SNTG2: variants seen among roughly 807,000 people sequenced by gnomAD.
The protein encoded by SNTG2 is syntrophin gamma 2.
Under a neutral mutation model 70.9 loss-of-function variants are expected in SNTG2, and 74 were observed. The observed-to-expected ratio is 1.04, with a 90% CI of 0.86 to 1.27. The LOEUF (loss-of-function observed/expected upper bound fraction) is 1.27. Ranked by LOEUF, SNTG2 falls within the 50% of genes most tolerant of loss-of-function variation. The probability of loss-of-function intolerance (pLI) is 0.00; values close to 1 mark genes in which losing one functional copy is unlikely to be tolerated. For synonymous variants in SNTG2, 278 were observed against 273.8 expected, an observed-to-expected ratio of 1.02 and a Z score of -0.15; for missense variants, 717 against 690.7, an observed-to-expected ratio of 1.04 and a Z score of -0.43.
chr2:1,197,086 A>G (rs1437566574), intron 8 of SNTG2, among the ~76,000 whole-genome samples: 2 of 152,196 alleles, frequency 1.3e-5, no homozygotes, highest in Non-Finnish European at 2.9e-5. Context: ...AAAACAATTA[A>G]CAAAATGACA....
intron 1 of SNTG2, among the ~76,000 whole-genome samples, chr2:1,081,629 C>G (rs1362565028): frequency 6.6e-6 from 1 of 152,254 alleles, no homozygotes; most frequent in African/African-American, 2.4e-5. Flanking sequence ...CCCGGCTGCC[C>G]TTGGTGCCTC....
chr2:1,328,429 C>T (rs183873670), intron 16 of SNTG2, among the ~76,000 whole-genome samples: 145 of 152,306 alleles, frequency 9.5e-4, no homozygotes, highest in African/African-American at 3.4e-3. Flanking sequence ...ACCCACAACT[C>T]TGGGGCTCCG....
chr2:1,195,340 C>T (rs1224620095), intron 8 of SNTG2, among the ~76,000 whole-genome samples: 1 of 152,204 alleles, frequency 6.6e-6, no homozygotes, highest in Admixed American at 6.5e-5. Flanking sequence ...TACACTCCCA[C>T]CAACAGTGTA....
chr2:1,033,082 A>G (rs769811814), intron 1 of SNTG2, among the ~76,000 whole-genome samples: 4 of 152,304 alleles, frequency 2.6e-5, no homozygotes, highest in Admixed American at 6.5e-5. Flanking sequence ...GAACAGCACC[A>G]AGAGGATGGC....
At chr2:1,079,367 T>C (rs1350371262) in intron 1 of SNTG2, among the ~76,000 whole-genome samples, 1 of 152,150 alleles carries the variant, frequency 6.6e-6, no homozygotes, top group African/African-American at 2.4e-5. Context: ...CAATTTGACA[T>C]AATGTGTGTT....
At chr2:1,112,516 G>A (rs1404918729) in intron 4 of SNTG2, among the ~76,000 whole-genome samples, 1 of 140,594 alleles carries the variant, frequency 7.1e-6, no homozygotes, top group African/African-American at 2.7e-5. Context: ...TAAGTGAGGT[G>A]TAACCCTTAC....
intron 1 of SNTG2, among the ~76,000 whole-genome samples, chr2:970,934 C>A (rs1660719309): frequency 6.6e-6 from 1 of 152,122 alleles, no homozygotes; most frequent in African/African-American, 2.4e-5. Context: ...AAATGCAAAT[C>A]AAAACCACAG....
chr2:1,171,189 T>A (rs929873865), intron 7 of SNTG2, among the ~76,000 whole-genome samples: 2 of 152,204 alleles, frequency 1.3e-5, no homozygotes, highest in Non-Finnish European at 2.9e-5. Flanking sequence ...AAGAAAGATA[T>A]AACTATTCAC....
At chr2:1,238,486 G>A (rs1676831854) in intron 10 of SNTG2, among the ~76,000 whole-genome samples, 2 of 152,200 alleles carry the variant, frequency 1.3e-5, no homozygotes, top group Non-Finnish European at 2.9e-5. Flanking sequence ...AATTTGTACT[G>A]CAGTCCCCCA....
At chr2:1,130,209 T>C (rs145665957) in intron 4 of SNTG2, among the ~76,000 whole-genome samples, 1 of 152,346 alleles carries the variant, frequency 6.6e-6, no homozygotes, top group East Asian at 1.9e-4. Flanking sequence ...ATCATGGACA[T>C]GGACATCCCA....
At position 1,259,850 on chromosome 2, in the gene SNTG2, T is replaced by C. The variant is rs141834611; in HGVS notation, c.1077+409T>C. The stretch of plus-strand genomic sequence containing the variant: ...GTCTGGCCAGTTTGCTGCTCATGGT[T>C]CCTAGGGTAGGTAAGGACTGAGCCT... On this transcript the variant is annotated intron_variant, in intron 13 of 16. Coordinates refer to ENST00000308624, the MANE Select transcript of SNTG2 (RefSeq NM_018968.4). Among the ~76,000 whole-genome samples, 11 of 152,352 alleles carry C rather than the reference T, an allele frequency of 7.2e-5. No individual in the cohort carries two copies. The East Asian group carries it at 2.1e-3, about 29-fold the overall frequency.
intron 16 of SNTG2, among the ~76,000 whole-genome samples, chr2:1,360,057 G>GA (rs5828812): frequency 3.3e-5 from 5 of 150,954 alleles, no homozygotes; most frequent in African/African-American, 7.3e-5. Context: ...TTTCCCATAG[G>GA]AAAAAAAAAA....
At chr2:1,206,853 G>A (rs144699359) in intron 8 of SNTG2, among the ~76,000 whole-genome samples, 1 of 152,178 alleles carries the variant, frequency 6.6e-6, no homozygotes, top group Non-Finnish European at 1.5e-5. Flanking sequence ...ATTGTGCATT[G>A]TATAGTAGAA....
At chr2:1,199,180 A>AGTGGCTCACGCCTGTAATC (rs1673124582) in intron 8 of SNTG2, among the ~76,000 whole-genome samples, 1 of 84,180 alleles carries the variant, frequency 1.2e-5, no homozygotes, top group Non-Finnish European at 2.5e-5. Flanking sequence ...AAGGTAACAC[A>AGTGGCTCACGCCTGTAATC]CCATCATCAA....
intron 1 of SNTG2, among the ~76,000 whole-genome samples, chr2:961,662 T>C (rs1270496216): frequency 6.6e-6 from 1 of 152,220 alleles, no homozygotes; most frequent in Non-Finnish European, 1.5e-5. Flanking sequence ...ATCTCTTATG[T>C]CATTTTGAGT....
At chr2:1,188,429 C>CA (rs1672378840) in intron 8 of SNTG2, among the ~76,000 whole-genome samples, 1 of 151,834 alleles carries the variant, frequency 6.6e-6, no homozygotes, top group Non-Finnish European at 1.5e-5. Flanking sequence ...AGGTAAGAGT[C>CA]AGAGGCCTAT....
At chr2:1,032,255 G>A (rs1353957040) in intron 1 of SNTG2, among the ~76,000 whole-genome samples, 8 of 152,126 alleles carry the variant, frequency 5.3e-5, no homozygotes, top group African/African-American at 1.4e-4. Context: ...AAGCAAAACC[G>A]CAAAAGCCAA....
Position 1,316,379 on chromosome 2 carries a change from T to A in SNTG2, c.1488+4T>A, listed in dbSNP as rs1272058285. 1 of 1,454,328 alleles carries A rather than the reference T, an allele frequency of 6.9e-7. No homozygotes were observed. Among genetic ancestry groups the A allele is most frequent in the Non-Finnish European group, 9.4e-7 (1 of 1,058,880 alleles). The allele number at this position is 1,454,328 out of a possible 1,614,324, so 90.1% of individuals were successfully genotyped here. A position where few individuals can be genotyped will look rare whatever the true frequency, so the allele number is the denominator to read the frequency against. ...CACCAAACAGATTGAGACGAAGGTA[T>A]GCGGCATGGGGCATGGGTTATTCTG... is the stretch of plus-strand genomic sequence containing the variant. On this transcript the variant is annotated splice_donor_region_variant and intron_variant, in intron 16 of 16. Coordinates refer to ENST00000308624, the MANE Select transcript of SNTG2 (RefSeq NM_018968.4).
At chr2:1,140,959 A>G (rs766831663) in intron 6 of SNTG2, among the ~76,000 whole-genome samples, 17 of 152,234 alleles carry the variant, frequency 1.1e-4, no homozygotes, top group Admixed American at 6.5e-5. Flanking sequence ...TTACGAACTC[A>G]TGGCAGATCC....
Sources: gnomAD v4.1 joint callset for allele counts (sites outside exome capture counted in the v4.1 genomes callset) on GRCh38, gnomAD v4.1.1 for gene constraint, MANE v1.5 for transcripts, NCBI Gene and HGNC (gene_info 2026-07-23, HGNC 2026-07-21) for gene names.